The following PSTPIP2 variants were observed in gnomAD, a reference collection of about 807,000 sequenced individuals.
PSTPIP2 encodes the protein proline-serine-threonine phosphatase interacting protein 2.
PSTPIP2 carries 33 observed loss-of-function variants against 63.3 expected under a neutral mutation model. The observed-to-expected ratio is 0.52, with a 90% CI of 0.40 to 0.70. PSTPIP2 has a LOEUF of 0.70. Ranked by LOEUF, PSTPIP2 falls within the 30% of genes least tolerant of loss-of-function variation. The pLI is 0.00. For synonymous variants in PSTPIP2, 125 were observed against 132.7 expected, an observed-to-expected ratio of 0.94 and a Z score of 0.40; for missense variants, 312 against 400.7, an observed-to-expected ratio of 0.78 and a Z score of 1.89.
At chr18:46,029,202 T>G (rs1462930623) in intron 2 of PSTPIP2, 1 of 1,059,706 alleles carries the variant, frequency 9.4e-7, no homozygotes, top group African/African-American at 1.5e-5. Context: ...TTAATTCCTG[T>G]GCATCAAGTG....
chr18:46,028,660 T>C, intron 2 of PSTPIP2: 2 of 839,088 alleles, frequency 2.4e-6, no homozygotes, highest in Non-Finnish European at 4.1e-6. Flanking sequence ...GATGAGGAAA[T>C]GGTTGACATG....
At chr18:46,028,974 T>C in intron 2 of PSTPIP2, 2 of 1,022,656 alleles carry the variant, frequency 2.0e-6, no homozygotes. Flanking sequence ...AGATCTCATC[T>C]GTGCAGTTCC....
rs2051716906 is a variant in PSTPIP2, at chr18:46,005,594, CATT to C, written c.355-66_355-64del. 3.3e-6 allele frequency: 4 copies of C among 1,204,648 alleles called. No individual in the cohort carries two copies. The Admixed American group carries it at 9.6e-5, about 29-fold the overall frequency. 74.6% of individuals were successfully genotyped at this position (1,204,648 alleles called of 1,614,324 possible). The stretch of plus-strand genomic sequence containing the variant: ...AATCATTATTAATAAAAACAGAAAT[CATT>C]ATCAATACCAGCTTATCTTGAGGGT... On this transcript the variant is annotated intron_variant, in intron 5 of 14. Coordinates refer to ENST00000409746, the MANE Select transcript of PSTPIP2 (RefSeq NM_024430.4).
At chr18:46,028,328 CG>C in intron 2 of PSTPIP2, 1 of 472,378 alleles carries the variant, frequency 2.1e-6, no homozygotes, top group Admixed American at 2.7e-5. Flanking sequence ...AAAGCCGGAG[CG>C]GGGCCGAGCG....
At chr18:46,057,008 G>A (rs1471071108) in intron 1 of PSTPIP2, among the ~76,000 whole-genome samples, 1 of 152,066 alleles carries the variant, frequency 6.6e-6, no homozygotes, top group Non-Finnish European at 1.5e-5. Flanking sequence ...GGAGGCTGAG[G>A]CAGGAGAACT....
intron 2 of PSTPIP2, among the ~76,000 whole-genome samples, chr18:46,039,707 G>C (rs1273932566): frequency 6.6e-6 from 1 of 152,074 alleles, no homozygotes; most frequent in Non-Finnish European, 1.5e-5. Context: ...ACAGTACTAA[G>C]TGTATTTCTT....
intron 2 of PSTPIP2, chr18:46,028,275 C>T (rs1197069145): frequency 2.3e-6 from 1 of 442,262 alleles, no homozygotes; most frequent in East Asian, 5.7e-5. Flanking sequence ...ACAGTAGAAC[C>T]GCAGCGAAGC....
chr18:46,002,983 T>C (rs1302925224), intron 6 of PSTPIP2, among the ~76,000 whole-genome samples: 2 of 152,228 alleles, frequency 1.3e-5, no homozygotes, highest in Non-Finnish European at 2.9e-5. Flanking sequence ...TTTGGTATTA[T>C]GTTACAAGAC....
chr18:46,049,013 T>TGA (rs1369177025), intron 1 of PSTPIP2, among the ~76,000 whole-genome samples: 1 of 46,930 alleles, frequency 2.1e-5, no homozygotes, highest in African/African-American at 1.7e-4. Context: ...AAAGCATGTG[T>TGA]GTGTGTGTGT....
At position 46,047,664 on chromosome 18, in the gene PSTPIP2, T is replaced by C. The variant is rs182299481; in HGVS notation, c.34-7617A>G. Among the ~76,000 whole-genome samples the C allele has an allele frequency of 3.9e-5, 6 of 152,026 alleles. No individual in the cohort carries two copies. The East Asian group carries it at 1.2e-3, about 29-fold the overall frequency. ...GAAGTCACGCCTTTGCACTCCAGCC[T>C]GGGCAACAAGAGCGAAATTCCATCT... On this transcript the variant is annotated intron_variant, in intron 1 of 14. Coordinates refer to ENST00000409746, the MANE Select transcript of PSTPIP2 (RefSeq NM_024430.4).
chr18:46,057,108 G>GA (rs926937445), intron 1 of PSTPIP2, among the ~76,000 whole-genome samples: 2 of 151,874 alleles, frequency 1.3e-5, no homozygotes, highest in East Asian at 3.9e-4. Context: ...CATCTCAAAG[G>GA]AAAAAAACTA....
Position 45,999,336 on chromosome 18 carries a change from G to C in PSTPIP2, c.516+100C>G, listed in dbSNP as rs556406051. 7.3e-6 allele frequency: 8 copies of C among 1,092,886 alleles called. No homozygotes were observed. The Admixed American group carries it at 1.4e-4, about 20-fold the overall frequency. The allele number at this position is 1,092,886 out of a possible 1,614,324, so 67.7% of individuals were successfully genotyped here. ...ATACATGAAGGAAGATATTTCCAGG[G>C]GTTTAGGATACAGGTTCATTTCTTA... On this transcript the variant is annotated intron_variant, in intron 7 of 14. Transcript: ENST00000409746.
intron 1 of PSTPIP2, among the ~76,000 whole-genome samples, chr18:46,048,640 C>A (rs1908469717): frequency 6.6e-6 from 1 of 152,158 alleles, no homozygotes; most frequent in African/African-American, 2.4e-5. Flanking sequence ...AGGGCACATT[C>A]TACAAAATAA....
At chr18:46,028,807 A>G in intron 2 of PSTPIP2, 1 of 1,439,552 alleles carries the variant, frequency 6.9e-7, no homozygotes, top group East Asian at 2.3e-5. Context: ...AGAGACTAAT[A>G]AGCTGAAAAC....
At chr18:46,015,346 G>C (rs1216492834) in intron 4 of PSTPIP2, among the ~76,000 whole-genome samples, 1 of 152,204 alleles carries the variant, frequency 6.6e-6, no homozygotes, top group Admixed American at 6.5e-5. Context: ...AAGCCCTGCA[G>C]GGGTGGCTCT....
At chr18:45,994,336 T>C (rs1243202311) in intron 9 of PSTPIP2, among the ~76,000 whole-genome samples, 1 of 152,218 alleles carries the variant, frequency 6.6e-6, no homozygotes, top group Non-Finnish European at 1.5e-5. Context: ...TTGAATACCA[T>C]AGCTATTTTT....
intron 1 of PSTPIP2, among the ~76,000 whole-genome samples, chr18:46,049,007 CATGTGTGTGTGTGTGTGT>C (rs1232791426): frequency 1.1e-5 from 1 of 93,318 alleles, no homozygotes; most frequent in African/African-American, 4.5e-5. Context: ...AGAAAAAAAG[CATGTGTGTGTGTGTGTGT>C]GTGTGTGTGT....
At chr18:46,046,706 G>A (rs1244350524) in intron 1 of PSTPIP2, among the ~76,000 whole-genome samples, 2 of 152,218 alleles carry the variant, frequency 1.3e-5, no homozygotes, top group Non-Finnish European at 2.9e-5. Flanking sequence ...GGAGGTGAGA[G>A]AATGACTGTC....
At chr18:46,059,551 ATTTC>A (rs1908913847) in intron 1 of PSTPIP2, among the ~76,000 whole-genome samples, 1 of 152,012 alleles carries the variant, frequency 6.6e-6, no homozygotes, top group Non-Finnish European at 1.5e-5. Flanking sequence ...GCCTGGTCTT[ATTTC>A]TTTATTTTAA....
Sources: gnomAD v4.1 joint callset for allele counts (sites outside exome capture counted in the v4.1 genomes callset) on GRCh38, gnomAD v4.1.1 for gene constraint, MANE v1.5 for transcripts, NCBI Gene and HGNC (gene_info 2026-07-23, HGNC 2026-07-21) for gene names.